Variants in CTNNA2 observed in about 807,000 individuals in gnomAD.
CTNNA2 encodes catenin alpha 2, also known as catenin alpha-2.
Under a neutral mutation model 101.0 loss-of-function variants are expected in CTNNA2, and 42 were observed. That is an observed-to-expected ratio of 0.42 (90% CI 0.32 to 0.54). The LOEUF is 0.54. Among genes scored for constraint, CTNNA2 ranks in the 20% least tolerant of loss-of-function variants. The pLI, the probability that CTNNA2 is intolerant of heterozygous loss-of-function variation, is 0.14. For missense variants in CTNNA2, 871 were observed against 1,223.1 expected (o/e 0.71, Z 4.29); for synonymous variants, 450 against 456.4 (o/e 0.99, Z 0.18).
chr2:80,029,478 G>A (rs1695146973), intron 7 of CTNNA2: 1 of 152,096 alleles, frequency 6.6e-6, no homozygotes, highest in South Asian at 2.1e-4. Flanking sequence ...CTTCACGACA[G>A]AAAGAGAACC....
intron 3 of CTNNA2, among the ~76,000 whole-genome samples, chr2:79,332,776 A>T (rs957138146): frequency 6.6e-6 from 1 of 152,170 alleles, no homozygotes; most frequent in African/African-American, 2.4e-5. Flanking sequence ...TTCCAACTTG[A>T]TTATGTACAT....
intron 18 of CTNNA2, among the ~76,000 whole-genome samples, chr2:80,641,756 TATATCTTAGATTATTAAAA>T (rs377598238): frequency 0.061 from 9,272 of 152,188 alleles, 307 homozygotes; most frequent in Middle Eastern, 0.078. Flanking sequence ...TTGATGACGT[TATATCTTAGATTATTAAAA>T]ATATCTTAGA....
chr2:79,389,475 C>T (rs1166847597), intron 4 of CTNNA2, among the ~76,000 whole-genome samples: 1 of 152,112 alleles, frequency 6.6e-6, no homozygotes, highest in Non-Finnish European at 1.5e-5. Flanking sequence ...AAAAGAAAGA[C>T]TTTTGCACAT....
intron 3 of CTNNA2, among the ~76,000 whole-genome samples, chr2:79,833,974 C>CA (rs1166425091): frequency 6.6e-6 from 1 of 152,014 alleles, no homozygotes; most frequent in East Asian, 1.9e-4. Context: ...TTCCTTGTTC[C>CA]ATTGGACACA....
intron 4 of CTNNA2, among the ~76,000 whole-genome samples, chr2:79,438,400 T>G (rs2104516138): frequency 6.6e-6 from 1 of 152,314 alleles, no homozygotes; most frequent in South Asian, 2.1e-4. Flanking sequence ...TGGCCTCCTT[T>G]TTAGCACTGA....
intron 3 of CTNNA2, among the ~76,000 whole-genome samples, chr2:79,367,057 T>A (rs999188883): frequency 6.6e-6 from 1 of 152,142 alleles, no homozygotes; most frequent in Non-Finnish European, 1.5e-5. Context: ...TAATTAGGGT[T>A]ACATTAGGTC....
intron 3 of CTNNA2, among the ~76,000 whole-genome samples, chr2:79,829,360 TACACACACACACACACACACACAC>T (rs55934940): frequency 5.6e-4 from 63 of 113,202 alleles, no homozygotes; most frequent in Middle Eastern, 4.9e-3. Context: ...CAACTAAAAC[TACACACACACACACACACACACAC>T]ACACACACAC....
intron 2 of CTNNA2, among the ~76,000 whole-genome samples, chr2:79,258,828 A>T (rs1674882125): frequency 7.1e-6 from 1 of 140,216 alleles, no homozygotes; most frequent in African/African-American, 2.7e-5. Context: ...CCATGAAGCC[A>T]AGGCCAAATC....
intron 3 of CTNNA2, among the ~76,000 whole-genome samples, chr2:79,850,120 G>A (rs1021201417): frequency 6.6e-6 from 1 of 150,602 alleles, no homozygotes; most frequent in Non-Finnish European, 1.5e-5. Flanking sequence ...AATTGGAGAA[G>A]TGTCTTTGTT....
At chr2:79,569,400 G>A (rs1053005732) in intron 1 of CTNNA2, among the ~76,000 whole-genome samples, 1 of 152,140 alleles carries the variant, frequency 6.6e-6, no homozygotes, top group African/African-American at 2.4e-5. Context: ...ACTGAGAAAC[G>A]ATGGAAGATA....
At position 80,619,071 on chromosome 2, in the gene CTNNA2, C is replaced by A; in HGVS notation, c.2431-14C>A. 1.4e-6 allele frequency: 2 copies of A among 1,385,660 alleles called. No homozygotes were observed. The highest frequency in any genetic ancestry group is 9.5e-7 in the Non-Finnish European group (1 of 1,054,642). 85.8% of individuals were successfully genotyped at this position (1,385,660 alleles called of 1,614,324 possible). ...CTCTCTCATTCTCTCTTTTCTGTAT[C>A]TCTCGGAAATCAGACAGGAGTTCAG... is the stretch of plus-strand genomic sequence containing the variant. On this transcript the variant is annotated splice_polypyrimidine_tract_variant and intron_variant, in intron 17 of 18. Coordinates refer to ENST00000402739, the MANE Select transcript of CTNNA2 (RefSeq NM_001282597.3).
At chr2:79,738,454 G>T (rs1671056091) in intron 2 of CTNNA2, among the ~76,000 whole-genome samples, 1 of 152,196 alleles carries the variant, frequency 6.6e-6, no homozygotes, top group East Asian at 1.9e-4. Flanking sequence ...CAGTTCTGGA[G>T]GATGTGATTA....
intron 7 of CTNNA2, among the ~76,000 whole-genome samples, chr2:80,365,958 A>T (rs974396010): frequency 3.3e-5 from 5 of 152,086 alleles, no homozygotes; most frequent in African/African-American, 1.2e-4. Context: ...GCTTGCACTA[A>T]TGCCCACTAA....
intron 7 of CTNNA2, among the ~76,000 whole-genome samples, chr2:79,983,874 T>A (rs1691568717): frequency 6.6e-6 from 1 of 152,144 alleles, no homozygotes; most frequent in African/African-American, 2.4e-5. Flanking sequence ...GGGAACTGAC[T>A]CACGTTTATA....
At chr2:79,526,578 C>T (rs963923054) in intron 1 of CTNNA2, among the ~76,000 whole-genome samples, 48 of 151,854 alleles carry the variant, frequency 3.2e-4, no homozygotes, top group South Asian at 8.3e-4. Flanking sequence ...CAAAACTAAC[C>T]GCAAAAGTAT....
intron 3 of CTNNA2, among the ~76,000 whole-genome samples, chr2:79,360,077 AAG>A (rs1677594158): frequency 6.6e-6 from 1 of 152,204 alleles, no homozygotes; most frequent in Non-Finnish European, 1.5e-5. Context: ...AGTAATTTTT[AAG>A]AGAGTCAAGG....
At chr2:79,308,480 T>A (rs570265597) in intron 2 of CTNNA2, among the ~76,000 whole-genome samples, 11 of 152,356 alleles carry the variant, frequency 7.2e-5, no homozygotes, top group African/African-American at 2.6e-4. Flanking sequence ...GATTGTTTCC[T>A]TTGCAGTGCA....
intron 1 of CTNNA2, among the ~76,000 whole-genome samples, chr2:79,601,457 T>C (rs1332404297): frequency 6.6e-6 from 1 of 152,178 alleles, no homozygotes; most frequent in South Asian, 2.1e-4. Flanking sequence ...GCAACTGGCA[T>C]TGGTTAAGGA....
chr2:79,272,885 C>G (rs1558594930), intron 2 of CTNNA2, among the ~76,000 whole-genome samples: 1 of 151,990 alleles, frequency 6.6e-6, no homozygotes, highest in Admixed American at 6.6e-5. Context: ...CAGACAGACT[C>G]TTTGTTTTAC....
Sources: gnomAD v4.1 joint callset for allele counts (sites outside exome capture counted in the v4.1 genomes callset) on GRCh38, gnomAD v4.1.1 for gene constraint, MANE v1.5 for transcripts, NCBI Gene and HGNC (gene_info 2026-07-23, HGNC 2026-07-21) for gene names.